Variants in IMPACT observed in about 807,000 individuals in gnomAD.
The protein encoded by IMPACT is impact RWD domain protein.
Under a neutral mutation model 47.5 loss-of-function variants are expected in IMPACT, and 35 were observed. That is an observed-to-expected ratio of 0.74 (90% CI 0.56 to 0.98). IMPACT has a LOEUF of 0.98. Ranked by LOEUF, IMPACT falls within the 50% of genes least tolerant of loss-of-function variation. IMPACT has a pLI of 0.00. For synonymous variants in IMPACT, 118 were observed against 125.6 expected, an observed-to-expected ratio of 0.94 and a Z score of 0.40; for missense variants, 373 against 394.8, an observed-to-expected ratio of 0.94 and a Z score of 0.47.
Position 24,450,879 on chromosome 18 carries a change from T to A in IMPACT, c.*32T>A. ...AAACTATAGGAAAGGTTAATTTGCC[T>A]ATAATTATATATACATTCCATAGTC... On this transcript the variant is annotated 3_prime_UTR_variant, in exon 11 of 11. Transcript: ENST00000284202. 2 of 1,207,874 alleles carry A rather than the reference T, an allele frequency of 1.7e-6. No individual in the cohort carries two copies. The highest frequency in any genetic ancestry group is 2.4e-6 in the Non-Finnish European group (2 of 817,220). The allele number at this position is 1,207,874 out of a possible 1,614,324, so 74.8% of individuals were successfully genotyped here.
chr18:24,441,021 G>T (rs149407374), intron 6 of IMPACT, among the ~76,000 whole-genome samples: 1 of 152,182 alleles, frequency 6.6e-6, no homozygotes, highest in Admixed American at 6.5e-5. Flanking sequence ...GTGCAGCCCT[G>T]GAAATTAAAG....
At position 24,428,057 on chromosome 18, in the gene IMPACT, C is replaced by A; in HGVS notation, c.165+10C>A. ...GACACTTTGCTTGCAGGTACTTTTT[C>A]CCCCTTCCTTGCAGCCATCTTTCAG... On this transcript the variant is annotated intron_variant, in intron 2 of 10. Transcript: ENST00000284202. 6.4e-7 allele frequency: 1 copy of A among 1,565,204 alleles called. No individual in the cohort carries two copies.
rs755160807 is a variant in IMPACT at position 24,449,921 on chromosome 18, A to C, written c.862A>C (p.Ile288Leu). The change falls in exon 10 of 11, where the codon ATA becomes CTA. Residue 288 changes from isoleucine to leucine, a missense_variant. Coordinates refer to ENST00000284202, the MANE Select transcript of IMPACT (RefSeq NM_018439.4). ...FKHINNCARN[I>L]LVEKNYTNSP... ...ACATATCAACAACTGTGCCAGAAAC[A>C]TACTAGTGGAAAAGAACTACACAAA... 3.1e-6 allele frequency: 5 copies of C among 1,614,116 alleles called. No individual in the cohort carries two copies. The highest frequency in any genetic ancestry group is 3.4e-6 in the Non-Finnish European group (4 of 1,179,976).
intron 3 of IMPACT, among the ~76,000 whole-genome samples, chr18:24,429,808 C>T (rs1307147860): frequency 6.7e-6 from 1 of 148,722 alleles, no homozygotes; most frequent in Admixed American, 6.7e-5. Flanking sequence ...GAGACAGAGT[C>T]CTGCTCTGTC....
In IMPACT at chr18:24,451,790, T is replaced by G. The variant is rs915631710; in HGVS notation, c.*943T>G. The G allele has an allele frequency of 2.0e-5, 3 of 152,194 alleles. No homozygotes were observed. Among genetic ancestry groups the G allele is most frequent in the African/African-American group, 7.2e-5 (3 of 41,442 alleles). The allele number at this position is 152,194 out of a possible 1,614,324, so 9.4% of individuals were successfully genotyped here. A position where few individuals can be genotyped will look rare whatever the true frequency, so the allele number is the denominator to read the frequency against. ...GTAGTTACATCAATTTGATGCATGC[T>G]TTCCATCTGCACTCCAGACGGCTTT... On this transcript the variant is annotated 3_prime_UTR_variant, in exon 11 of 11. Coordinates refer to ENST00000284202, the MANE Select transcript of IMPACT (RefSeq NM_018439.4).
At position 24,453,016 on chromosome 18, in the gene IMPACT, AT is replaced by A. The variant is rs1455063179; in HGVS notation, c.*2170del. 2 of 152,070 alleles carry A rather than the reference AT, an allele frequency of 1.3e-5. No homozygotes were observed. Among genetic ancestry groups the A allele is most frequent in the Non-Finnish European group, 2.9e-5 (2 of 68,042 alleles). 9.4% of individuals were successfully genotyped at this position (152,070 alleles called of 1,614,324 possible). A position where few individuals can be genotyped will look rare whatever the true frequency, so the allele number is the denominator to read the frequency against. On this transcript the variant is annotated 3_prime_UTR_variant, in exon 11 of 11. Coordinates refer to ENST00000284202, the MANE Select transcript of IMPACT (RefSeq NM_018439.4). ...CGTCTTGAGCTCCTGGCCTCAATCG[AT>A]CTTCCTGCCAAGGTTTTGGAATTAC...
chr18:24,427,732 C>T (rs1433054842), intron 1 of IMPACT, 187 bp from the exon 2 acceptor site: 4 of 546,376 alleles, frequency 7.3e-6, no homozygotes, highest in African/African-American at 5.9e-5. Flanking sequence ...ATTGCAGTAG[C>T]GCCTAGCAAC....
chr18:24,437,256 C>T (rs1461535964), intron 4 of IMPACT, among the ~76,000 whole-genome samples: 1 of 152,090 alleles, frequency 6.6e-6, no homozygotes, highest in Non-Finnish European at 1.5e-5. Context: ...ACACTTGGGC[C>T]TTTATTTTAT....
chr18:24,450,761 G>A lies in IMPACT; in HGVS notation c.895-18G>A, dbSNP rs750325785. ...TATGTAAATGGAGAGATGCTGCACT[G>A]ATTTGTGTCTTTTTCAGGAGGAGTC... On this transcript the variant is annotated intron_variant, in intron 10 of 10. Coordinates refer to ENST00000284202, the MANE Select transcript of IMPACT (RefSeq NM_018439.4). 1.9e-6 allele frequency: 3 copies of A among 1,573,956 alleles called. No homozygotes were observed. In the East Asian group the frequency reaches 6.7e-5, roughly 35 times the overall value.
intron 8 of IMPACT, among the ~76,000 whole-genome samples, chr18:24,446,021 A>G (rs1030112): frequency 0.58 from 87,513 of 151,948 alleles, 27,004 homozygotes; most frequent in South Asian, 0.7. Context: ...TAGAATTATC[A>G]AAAAGTGTGA....
intron 7 of IMPACT, 114 bp from the exon 8 acceptor site, chr18:24,445,279 G>T: frequency 1.6e-6 from 1 of 631,392 alleles, no homozygotes; most frequent in South Asian, 2.4e-5. Context: ...GAGTATAGTA[G>T]ACTCTTTAAG....
At chr18:24,439,091 C>T (rs1599764488) in intron 5 of IMPACT, among the ~76,000 whole-genome samples, 2 of 152,124 alleles carry the variant, frequency 1.3e-5, no homozygotes, top group Non-Finnish European at 2.9e-5. Context: ...CTGGGGAGGT[C>T]AGTCTTTTAA....
chr18:24,447,266 A>G (rs1323942034), intron 8 of IMPACT, among the ~76,000 whole-genome samples: 2 of 152,204 alleles, frequency 1.3e-5, no homozygotes, highest in Non-Finnish European at 2.9e-5. Flanking sequence ...TTTACATTAA[A>G]AGTTTACAGC....
chr18:24,434,776 A>AAAATAT (rs1164402384), intron 4 of IMPACT, among the ~76,000 whole-genome samples: 13 of 114,026 alleles, frequency 1.1e-4, no homozygotes, highest in Admixed American at 3.4e-4. Flanking sequence ...AAAAAAAAAA[A>AAAATAT]ATATATATAT....
intron 4 of IMPACT, among the ~76,000 whole-genome samples, chr18:24,436,938 G>T (rs1908962708): frequency 6.6e-6 from 1 of 152,188 alleles, no homozygotes; most frequent in Non-Finnish European, 1.5e-5. Context: ...ACTTCACACA[G>T]CTTAGTGCAT....
At chr18:24,434,479 T>C (rs1369145195) in intron 4 of IMPACT, among the ~76,000 whole-genome samples, 1 of 151,912 alleles carries the variant, frequency 6.6e-6, no homozygotes, top group Non-Finnish European at 1.5e-5. Context: ...AAGAAATACT[T>C]AAAAATATAT....
chr18:24,432,875 C>T (rs1328411080), intron 4 of IMPACT, among the ~76,000 whole-genome samples: 1 of 152,114 alleles, frequency 6.6e-6, no homozygotes, highest in Non-Finnish European at 1.5e-5. Flanking sequence ...TCACATTCAT[C>T]AGTTAGCGTT....
At chr18:24,427,125 T>C (rs1908630423) in intron 1 of IMPACT, 1 of 289,984 alleles carries the variant, frequency 3.4e-6, no homozygotes, top group Non-Finnish European at 6.3e-6. Flanking sequence ...GACAAATCAC[T>C]TAAGAATTCG....
At chr18:24,427,161 T>TA (rs1908631390) in intron 1 of IMPACT, 3 of 213,252 alleles carry the variant, frequency 1.4e-5, no homozygotes, top group Admixed American at 5.9e-5. Flanking sequence ...AAAATGGCAA[T>TA]AGCCCAGACC....
Sources: gnomAD v4.1 joint callset for allele counts (sites outside exome capture counted in the v4.1 genomes callset) on GRCh38, gnomAD v4.1.1 for gene constraint, MANE v1.5 for transcripts, NCBI Gene and HGNC (gene_info 2026-07-23, HGNC 2026-07-21) for gene names.